ROBO2: variants seen among roughly 807,000 people sequenced by gnomAD.
The protein encoded by ROBO2 is roundabout homolog 2.
Under a neutral mutation model 160.8 loss-of-function variants are expected in ROBO2, and 53 were observed. The observed-to-expected ratio is 0.33, with a 90% CI of 0.26 to 0.41. ROBO2 has a LOEUF of 0.41. Among genes scored for constraint, ROBO2 ranks in the 10% least tolerant of loss-of-function variants. The pLI, the probability that ROBO2 is intolerant of heterozygous loss-of-function variation, is 1.00. For missense variants in ROBO2, 1,577 were observed against 1,722.4 expected (o/e 0.92, Z 1.49); for synonymous variants, 664 against 611.7 (o/e 1.09, Z -1.26).
chr3:77,571,485 G>T (rs2093635081), intron 13 of ROBO2, among the ~76,000 whole-genome samples: 1 of 152,008 alleles, frequency 6.6e-6, no homozygotes, highest in Non-Finnish European at 1.5e-5. Context: ...TTGAGATATG[G>T]GTATTATGTG....
intron 2 of ROBO2, among the ~76,000 whole-genome samples, chr3:77,421,215 C>A (rs2077685625): frequency 6.6e-6 from 1 of 152,082 alleles, no homozygotes; most frequent in South Asian, 2.1e-4. Context: ...TGTCACAGGA[C>A]ATTTGTTTTC....
At chr3:76,952,679 C>A (rs1256546175) in intron 2 of ROBO2, among the ~76,000 whole-genome samples, 1 of 151,694 alleles carries the variant, frequency 6.6e-6, no homozygotes, top group African/African-American at 2.4e-5. Context: ...GTTAGTATAT[C>A]TGTGTGTGTA....
At chr3:76,810,422 A>G (rs2065070234) in intron 2 of ROBO2, among the ~76,000 whole-genome samples, 2 of 143,434 alleles carry the variant, frequency 1.4e-5, no homozygotes, top group Non-Finnish European at 3.1e-5. Context: ...TTTGATAGAC[A>G]TATGTAATAA....
At chr3:76,824,148 A>T (rs2066368604) in intron 2 of ROBO2, among the ~76,000 whole-genome samples, 1 of 152,176 alleles carries the variant, frequency 6.6e-6, no homozygotes, top group African/African-American at 2.4e-5. Context: ...AAGGGAATGT[A>T]CTGGAGACAC....
chr3:76,942,976 G>T (rs146655308), intron 2 of ROBO2, among the ~76,000 whole-genome samples: 1 of 152,046 alleles, frequency 6.6e-6, no homozygotes, highest in African/African-American at 2.4e-5. Flanking sequence ...AGATTTATGC[G>T]TTTATTATTA....
chr3:77,494,066 G>A (rs1020771443), intron 5 of ROBO2, among the ~76,000 whole-genome samples: 7 of 152,090 alleles, frequency 4.6e-5, no homozygotes, highest in African/African-American at 1.7e-4. Flanking sequence ...TTGACTTGTT[G>A]TTATAGAAAT....
chr3:77,166,315 C>T (rs2079070598), intron 2 of ROBO2, among the ~76,000 whole-genome samples: 2 of 151,984 alleles, frequency 1.3e-5, no homozygotes, highest in Admixed American at 1.3e-4. Flanking sequence ...TACATAATCA[C>T]AATATTTTCA....
At chr3:76,401,678 T>A (rs2108760087) in intron 2 of ROBO2, among the ~76,000 whole-genome samples, 1 of 151,528 alleles carries the variant, frequency 6.6e-6, no homozygotes, top group East Asian at 1.9e-4. Context: ...ATGGTACAGA[T>A]ATTAATATTA....
intron 2 of ROBO2, among the ~76,000 whole-genome samples, chr3:77,376,807 G>A (rs1361925798): frequency 2.6e-5 from 4 of 152,152 alleles, no homozygotes; most frequent in Non-Finnish European, 5.9e-5. Flanking sequence ...TGAAACATGT[G>A]TGACTTTGGA....
intron 2 of ROBO2, among the ~76,000 whole-genome samples, chr3:76,581,938 T>A (rs2085729241): frequency 6.6e-6 from 1 of 152,142 alleles, no homozygotes; most frequent in African/African-American, 2.4e-5. Flanking sequence ...ATTATTACAG[T>A]AATTGAAGCA....
intron 2 of ROBO2, among the ~76,000 whole-genome samples, chr3:76,027,324 A>G (rs542060958): frequency 2.0e-5 from 3 of 152,012 alleles, no homozygotes; most frequent in South Asian, 2.1e-4. Context: ...CCCATTTTAC[A>G]TAGGCTTAAC....
intron 2 of ROBO2, among the ~76,000 whole-genome samples, chr3:76,031,051 G>A (rs1032250134): frequency 2.0e-5 from 3 of 152,016 alleles, no homozygotes; most frequent in African/African-American, 7.2e-5. Context: ...GTTGAGCAGT[G>A]GTTTATAGTT....
chr3:77,127,007 T>C lies in ROBO2; in HGVS notation c.388+28667T>C, dbSNP rs555228996. ...GGTTTCACCATGTTAGCCAGGATGG[T>C]CTCCATCTCCTGACCTCATGATCCG... is the stretch of plus-strand genomic sequence containing the variant. On this transcript the variant is annotated intron_variant, in intron 2 of 25. Transcript: ENST00000461745. Among the ~76,000 whole-genome samples the C allele has an allele frequency of 7.9e-5, 12 of 151,894 alleles. No homozygotes were observed. In the South Asian group the frequency reaches 1.7e-3, roughly 21 times the overall value.
intron 2 of ROBO2, among the ~76,000 whole-genome samples, chr3:76,531,475 C>T (rs367703612): frequency 3.4e-4 from 51 of 151,792 alleles, no homozygotes; most frequent in Non-Finnish European, 6.2e-4. Flanking sequence ...TATGTCTTCT[C>T]GAATATATTT....
chr3:77,406,455 A>G (rs2076262689), intron 2 of ROBO2, among the ~76,000 whole-genome samples: 1 of 152,160 alleles, frequency 6.6e-6, no homozygotes, highest in Admixed American at 6.6e-5. Flanking sequence ...AAATTAATGG[A>G]TCAATTATTT....
intron 21 of ROBO2, among the ~76,000 whole-genome samples, chr3:77,610,741 C>CAAAAAAA (rs71629658): frequency 0.013 from 260 of 19,786 alleles, no homozygotes; most frequent in Non-Finnish European, 0.016. Context: ...GGCCAAAGAC[C>CAAAAAAA]AAAAAAAAAA....
At chr3:77,117,975 T>G (rs1485644236) in intron 2 of ROBO2, among the ~76,000 whole-genome samples, 1 of 152,202 alleles carries the variant, frequency 6.6e-6, no homozygotes, top group African/African-American at 2.4e-5. Context: ...AGGATTGAGC[T>G]CTTTGACATT....
At chr3:77,015,723 C>T (rs1359638477) in intron 2 of ROBO2, among the ~76,000 whole-genome samples, 1 of 152,146 alleles carries the variant, frequency 6.6e-6, no homozygotes, top group Non-Finnish European at 1.5e-5. Flanking sequence ...GCTATTCAAG[C>T]TGGTCCTATT....
chr3:77,251,965 G>A lies in ROBO2; in HGVS notation c.388+153625G>A, dbSNP rs116267206. Among the ~76,000 whole-genome samples, 1,506 of 152,140 alleles carry A rather than the reference G, an allele frequency of 9.9e-3. 20 individuals carry two copies. The highest frequency in any genetic ancestry group is 0.033 in the African/African-American group (1,359 of 41,506). On this transcript the variant is annotated intron_variant, in intron 2 of 25. Transcript: ENST00000461745. ...TGACAGACTTTTTTATTATTTACAT[G>A]GCCAGCCTGGAAAATTTCAAAATCT...
Sources: allele counts gnomAD v4.1 joint callset (sites outside exome capture counted in the v4.1 genomes callset), GRCh38; gene constraint gnomAD v4.1.1; transcripts MANE v1.5; gene names NCBI Gene and HGNC (gene_info 2026-07-23, HGNC 2026-07-21).